Variants in CABYR observed in about 807,000 individuals in gnomAD.
CABYR encodes calcium-binding tyrosine phosphorylation-regulated protein.
Under a neutral mutation model 36.1 loss-of-function variants are expected in CABYR, and 31 were observed. The observed-to-expected ratio is 0.86, with a 90% CI of 0.64 to 1.16. CABYR has a LOEUF of 1.16. Ranked by LOEUF, CABYR falls within the 50% of genes most tolerant of loss-of-function variation. CABYR has a pLI of 0.00. For synonymous variants in CABYR, 146 were observed against 160.7 expected (o/e 0.91, Z 0.69); for missense variants, 429 against 455.8 (o/e 0.94, Z 0.53).
At chr18:24,149,850 G>A (rs1362305307) in intron 3 of CABYR, among the ~76,000 whole-genome samples, 1 of 152,246 alleles carries the variant, frequency 6.6e-6, no homozygotes, top group African/African-American at 2.4e-5. Flanking sequence ...TGCTCGGAAT[G>A]CGGGGCCCGC....
At position 24,159,782 on chromosome 18, in the gene CABYR, G is replaced by A; in HGVS notation, c.852G>A (p.Gln284=). The change falls in exon 5 of 6, where the codon CAG becomes CAA. Residue 284 remains glutamine, a synonymous_variant. Coordinates refer to ENST00000399496, the MANE Select transcript of CABYR (RefSeq NM_153769.3). ...KPLPGHAVVS[Q]SDVLRYVAMQ... ...TTCCTGGACATGCTGTCGTTTCACA[G>A]TCAGATGTCTTGAGATATGTTGCAA... is the stretch of plus-strand genomic sequence containing the variant. 1.2e-6 allele frequency: 2 copies of A among 1,614,100 alleles called. No individual in the cohort carries two copies. Among genetic ancestry groups the A allele is most frequent in the Non-Finnish European group, 1.7e-6 (2 of 1,180,022 alleles).
At position 24,150,783 on chromosome 18, in the gene CABYR, G is replaced by T. The variant is rs6508204; in HGVS notation, c.200-4918G>T. Among the ~76,000 whole-genome samples, 519 of 113,556 alleles carry T rather than the reference G, an allele frequency of 4.6e-3. 4 individuals carry two copies. Among genetic ancestry groups the T allele is most frequent in the Non-Finnish European group, 5.2e-3 (275 of 53,198 alleles). 74.5% of individuals were successfully genotyped at this position (113,556 alleles called of 152,430 possible). A position where few individuals can be genotyped will look rare whatever the true frequency, so the allele number is the denominator to read the frequency against. On this transcript the variant is annotated intron_variant, in intron 3 of 5. Coordinates refer to ENST00000399496, the MANE Select transcript of CABYR (RefSeq NM_153769.3). ...CAGTTTTTTTGTTTTTTTGTTTTTT[G>T]TTTTTTTTTTTTTTTGAGACGGAGT...
At chr18:24,158,517 C>T (rs1040077926) in intron 4 of CABYR, among the ~76,000 whole-genome samples, 1 of 151,982 alleles carries the variant, frequency 6.6e-6, no homozygotes, top group African/African-American at 2.4e-5. Flanking sequence ...GGAGTTTCTC[C>T]ATGTTGGTCA....
intron 3 of CABYR, chr18:24,152,871 G>A (rs1218554738): frequency 6.6e-6 from 1 of 152,220 alleles, no homozygotes; most frequent in Non-Finnish European, 1.5e-5. Context: ...GGGGAAAATA[G>A]GGAGGCCTTG....
chr18:24,156,004 TC>T lies in CABYR; in HGVS notation c.506del (p.Pro169GlnfsTer12). On this transcript the variant is annotated frameshift_variant, in exon 4 of 6. Transcript: ENST00000399496. LOFTEE classifies it high-confidence loss of function. ...GCTGTCTCACCAGAGTTTGCCTACG[TC>T]CCAGCTGACCCAGCTCAGCTTGCTG... ...PTAVSPEFAY[V>X]PADPAQLAAQ... 1 of 1,614,224 alleles carries T rather than the reference TC, an allele frequency of 6.2e-7. No homozygotes were observed. Among genetic ancestry groups the T allele is most frequent in the Non-Finnish European group, 8.5e-7 (1 of 1,180,040 alleles).
chr18:24,146,484 GGTTTCA>G (rs1281012600), intron 3 of CABYR, among the ~76,000 whole-genome samples: 3 of 152,066 alleles, frequency 2.0e-5, no homozygotes, highest in Non-Finnish European at 2.9e-5. Context: ...GGGAGGCAGA[GGTTTCA>G]GTGACCCAAG....
intron 4 of CABYR, chr18:24,156,535 A>C: frequency 6.2e-7 from 1 of 1,614,196 alleles, no homozygotes; most frequent in Non-Finnish European, 8.5e-7. Flanking sequence ...GTTAGTCCCA[A>C]ATCTGTAGTA....
At chr18:24,141,473 T>A (rs1290629305) in intron 1 of CABYR, among the ~76,000 whole-genome samples, 1 of 152,164 alleles carries the variant, frequency 6.6e-6, no homozygotes, top group African/African-American at 2.4e-5. Context: ...GGTTCTCCCA[T>A]ACAACTGATG....
intron 3 of CABYR, among the ~76,000 whole-genome samples, chr18:24,149,041 GAT>G (rs1190311156): frequency 2.6e-5 from 4 of 152,152 alleles, no homozygotes; most frequent in Non-Finnish European, 5.9e-5. Context: ...ACAGGGTGCT[GAT>G]TGGTGCGTTT....
In CABYR at chr18:24,160,069, G is replaced by A. The variant is rs1378780975; in HGVS notation, c.1139G>A (p.Ter380=). 2 of 1,591,716 alleles carry A rather than the reference G, an allele frequency of 1.3e-6. No individual in the cohort carries two copies. Among genetic ancestry groups the A allele is most frequent in the Non-Finnish European group, 1.7e-6 (2 of 1,173,142 alleles). ...HKRRKAETEN[*] ...CGTCGCAAAGCAGAAACTGAAAACT[G>A]GTAGGTACACTTTCCTACCATAATA... Residue 380 remains the stop codon, a splice_region_variant and stop_retained_variant, in exon 5 of 6, where the codon TGA becomes TAA. Transcript: ENST00000399496.
At chr18:24,147,479 GCAAA>G (rs1431314566) in intron 3 of CABYR, among the ~76,000 whole-genome samples, 3 of 152,054 alleles carry the variant, frequency 2.0e-5, no homozygotes, top group Admixed American at 6.6e-5. Context: ...GTGCCATAAG[GCAAA>G]CAAATTTTTT....
At chr18:24,155,495 G>A (rs1418184332) in intron 3 of CABYR, among the ~76,000 whole-genome samples, 1 of 151,140 alleles carries the variant, frequency 6.6e-6, no homozygotes. Context: ...TTTTTTTTTG[G>A]TGGTGGTGGG....
chr18:24,143,084 A>C lies in CABYR; in HGVS notation c.-24-7A>C. The C allele has an allele frequency of 6.5e-7, 1 of 1,536,472 alleles. No individual in the cohort carries two copies. Among genetic ancestry groups the C allele is most frequent in the Non-Finnish European group, 8.7e-7 (1 of 1,144,488 alleles). On this transcript the variant is annotated splice_region_variant and splice_polypyrimidine_tract_variant and intron_variant, in intron 1 of 5. Coordinates refer to ENST00000399496, the MANE Select transcript of CABYR (RefSeq NM_153769.3). ...TAATTACTTCTAAGACTTTTTCTTC[A>C]TTCTAGTTGAGTTACAGACATCCTG...
At chr18:24,157,277 AGC>A (rs1567903347) in intron 4 of CABYR, among the ~76,000 whole-genome samples, 1 of 152,218 alleles carries the variant, frequency 6.6e-6, no homozygotes, top group Non-Finnish European at 1.5e-5. Context: ...ACAACAGTAT[AGC>A]CTGTTGTCAG....
chr18:24,159,530 T>C lies in CABYR; in HGVS notation c.600T>C (p.Tyr200=), dbSNP rs781102304. The change falls in exon 5 of 6, where the codon TAT becomes TAC. Residue 200 remains tyrosine (Y), a synonymous_variant. Transcript: ENST00000399496. ...CATGTTCTAACATGTGGACCCTTTA[T>C]TGTCTAACTGATAAGAATCAACAAG... ...PPPCSNMWTL[Y]CLTDKNQQGH... is the part of the protein sequence containing the mutation. 9 of 1,614,110 alleles carry C rather than the reference T, an allele frequency of 5.6e-6. No homozygotes were observed. The highest frequency in any genetic ancestry group is 1.3e-5 in the African/African-American group (1 of 75,018).
intron 5 of CABYR, 82 bp downstream of exon 5, chr18:24,160,151 AG>A (rs1174836830): frequency 2.0e-6 from 2 of 987,482 alleles, no homozygotes; most frequent in Middle Eastern, 2.4e-4. Flanking sequence ...CTGGAGATTT[AG>A]ATATTTAAAA....
intron 4 of CABYR, among the ~76,000 whole-genome samples, chr18:24,157,495 G>A (rs1214782205): frequency 6.6e-6 from 1 of 152,170 alleles, no homozygotes; most frequent in African/African-American, 2.4e-5. Context: ...CCAGGTTTGG[G>A]GTGCTGGGCC....
At chr18:24,140,446 G>A (rs1568454760) in intron 1 of CABYR, among the ~76,000 whole-genome samples, 1 of 152,112 alleles carries the variant, frequency 6.6e-6, no homozygotes, top group Non-Finnish European at 1.5e-5. Context: ...TGAGTACACA[G>A]TAGGTGTATA....
chr18:24,149,365 G>A (rs11661916), intron 3 of CABYR, among the ~76,000 whole-genome samples: 71,622 of 151,932 alleles, frequency 0.47, 19,898 homozygotes, highest in Non-Finnish European at 0.63. Context: ...TAGACACAGG[G>A]TGCTGATTGG....
Sources: allele counts gnomAD v4.1 joint callset (sites outside exome capture counted in the v4.1 genomes callset), GRCh38; gene constraint gnomAD v4.1.1; transcripts MANE v1.5; gene names NCBI Gene and HGNC (gene_info 2026-07-23, HGNC 2026-07-21).